ADAMTSL1: variants seen among roughly 807,000 people sequenced by gnomAD.
ADAMTSL1 encodes the protein ADAMTS-like protein 1.
Under a neutral mutation model 201.8 loss-of-function variants are expected in ADAMTSL1, and 126 were observed. The observed-to-expected ratio is 0.62, with a 90% CI of 0.54 to 0.72. ADAMTSL1 has a LOEUF of 0.72. Ranked by LOEUF, ADAMTSL1 falls within the 30% of genes least tolerant of loss-of-function variation. The probability of loss-of-function intolerance (pLI) is 0.00; values close to 1 mark genes in which losing one functional copy is unlikely to be tolerated. For missense variants in ADAMTSL1, 2,679 were observed against 2,277.8 expected, an observed-to-expected ratio of 1.18 and a Z score of -3.59; for synonymous variants, 1,121 against 903.4, an observed-to-expected ratio of 1.24 and a Z score of -4.32.
rs369693384 is a variant in ADAMTSL1 at position 18,482,605 on chromosome 9, T to C, written c.63+8310T>C. Among the ~76,000 whole-genome samples, 7 of 152,308 alleles carry C rather than the reference T, an allele frequency of 4.6e-5. No individual in the cohort carries two copies. In the South Asian group the frequency reaches 8.3e-4, roughly 18 times the overall value. On this transcript the variant is annotated intron_variant, in intron 1 of 28. Transcript: ENST00000380548. ...ATGAGACAGGAAATTGTGAGCAACC[T>C]ATAATAAATTCAAACTGTCCAATAA... is the stretch of plus-strand genomic sequence containing the variant.
chr9:18,368,004 A>G (rs997694099), intron 2 of ADAMTSL1, among the ~76,000 whole-genome samples: 1 of 151,612 alleles, frequency 6.6e-6, no homozygotes, highest in Non-Finnish European at 1.5e-5. Context: ...GGTTCACGCC[A>G]TTCTCCTGCC....
intron 1 of ADAMTSL1, among the ~76,000 whole-genome samples, chr9:18,094,593 A>G (rs1453924769): frequency 6.6e-6 from 1 of 151,810 alleles, no homozygotes; most frequent in African/African-American, 2.4e-5. Context: ...TGCCACCTAA[A>G]TCTAAGTATA....
chr9:18,079,982 G>C (rs1823418901), intron 1 of ADAMTSL1, among the ~76,000 whole-genome samples: 1 of 152,156 alleles, frequency 6.6e-6, no homozygotes, highest in Non-Finnish European at 1.5e-5. Context: ...GGGAGTGCTT[G>C]ACCAGGTGAG....
At chr9:18,065,950 C>G (rs969799082) in intron 1 of ADAMTSL1, among the ~76,000 whole-genome samples, 2 of 135,930 alleles carry the variant, frequency 1.5e-5, no homozygotes, top group African/African-American at 5.5e-5. Flanking sequence ...CCACTGCACT[C>G]CAGCTTCAGC....
chr9:18,109,372 A>G (rs968873867), intron 1 of ADAMTSL1, among the ~76,000 whole-genome samples: 8 of 152,122 alleles, frequency 5.3e-5, no homozygotes, highest in African/African-American at 1.9e-4. Flanking sequence ...GCCTGCACAC[A>G]GTAGCCCAGG....
At position 18,588,472 on chromosome 9, in the gene ADAMTSL1, T is replaced by C. The variant is rs1261540828; in HGVS notation, c.474+14206T>C. Among the ~76,000 whole-genome samples, 2 of 152,156 alleles carry C rather than the reference T, an allele frequency of 1.3e-5. 1 individual carries two copies. The highest frequency in any genetic ancestry group is 3.9e-4 in the East Asian group (2 of 5,192). ...GAAGTTTTTAGCTTAATGTAATCTA[T>C]GTGTCTGTTTTTGCTTTTGTTTTCT... On this transcript the variant is annotated intron_variant, in intron 4 of 28. Transcript: ENST00000380548.
intron 4 of ADAMTSL1, among the ~76,000 whole-genome samples, chr9:18,619,727 C>T (rs960860242): frequency 1.3e-5 from 2 of 152,128 alleles, no homozygotes; most frequent in African/African-American, 2.4e-5. Context: ...CATCAGAGTC[C>T]GTTAAAAATT....
intron 1 of ADAMTSL1, among the ~76,000 whole-genome samples, chr9:18,127,818 C>T (rs1249111897): frequency 6.6e-6 from 1 of 152,150 alleles, no homozygotes; most frequent in Non-Finnish European, 1.5e-5. Context: ...TTGTTTAAAG[C>T]AAAGACTACC....
At chr9:18,521,554 G>A (rs1234787137) in intron 2 of ADAMTSL1, among the ~76,000 whole-genome samples, 1 of 151,778 alleles carries the variant, frequency 6.6e-6, no homozygotes. Flanking sequence ...ACTCACTAGG[G>A]ATGCATACTG....
At chr9:18,032,223 C>G (rs1032098300) in intron 1 of ADAMTSL1, among the ~76,000 whole-genome samples, 2 of 152,184 alleles carry the variant, frequency 1.3e-5, no homozygotes, top group African/African-American at 2.4e-5. Flanking sequence ...GGCACACAAA[C>G]CAGCACCTCA....
intron 1 of ADAMTSL1, among the ~76,000 whole-genome samples, chr9:18,146,528 G>C (rs1484493196): frequency 6.6e-6 from 1 of 152,172 alleles, no homozygotes; most frequent in African/African-American, 2.4e-5. Flanking sequence ...AAACTGGATA[G>C]ATCAATAGTT....
At chr9:18,007,739 T>C (rs182707811) in intron 1 of ADAMTSL1, among the ~76,000 whole-genome samples, 1 of 152,090 alleles carries the variant, frequency 6.6e-6, no homozygotes, top group East Asian at 1.9e-4. Flanking sequence ...AAGCTAAATG[T>C]TCTGATGTTC....
chr9:18,397,263 A>T (rs1420351600), intron 2 of ADAMTSL1, among the ~76,000 whole-genome samples: 2 of 152,074 alleles, frequency 1.3e-5, no homozygotes, highest in African/African-American at 4.8e-5. Flanking sequence ...TTCCTTTCCC[A>T]TATGATATTA....
intron 1 of ADAMTSL1, among the ~76,000 whole-genome samples, chr9:17,973,924 G>A (rs1818326859): frequency 6.6e-6 from 1 of 150,954 alleles, no homozygotes; most frequent in Admixed American, 6.6e-5. Flanking sequence ...TCTCTTTGAA[G>A]CAATTGTGAA....
chr9:18,195,083 G>T (rs951185750), intron 2 of ADAMTSL1, among the ~76,000 whole-genome samples: 51 of 152,038 alleles, frequency 3.4e-4, no homozygotes, highest in Non-Finnish European at 7.2e-4. Context: ...CCCTTAATAT[G>T]GTACCTGTCA....
intron 2 of ADAMTSL1, among the ~76,000 whole-genome samples, chr9:18,365,006 G>A (rs887686027): frequency 6.6e-6 from 1 of 152,104 alleles, no homozygotes; most frequent in African/African-American, 2.4e-5. Context: ...ACATGAGATT[G>A]AGTGGGGACA....
chr9:18,838,558 G>A (rs1366484271), intron 23 of ADAMTSL1, among the ~76,000 whole-genome samples: 1 of 152,158 alleles, frequency 6.6e-6, no homozygotes, highest in East Asian at 1.9e-4. Flanking sequence ...TGGGCATGGT[G>A]ATTCACACCT....
chr9:18,844,315 G>C (rs1825939639), intron 23 of ADAMTSL1, among the ~76,000 whole-genome samples: 3 of 152,214 alleles, frequency 2.0e-5, no homozygotes, highest in South Asian at 4.1e-4. Context: ...GACCCTGTTT[G>C]CCTAGGTACC....
intron 1 of ADAMTSL1, among the ~76,000 whole-genome samples, chr9:18,076,358 C>T (rs1823224502): frequency 6.6e-6 from 1 of 152,154 alleles, no homozygotes. Flanking sequence ...GAGGTGGACA[C>T]AGGTAAATAC....
Sources: allele counts gnomAD v4.1 joint callset (sites outside exome capture counted in the v4.1 genomes callset), GRCh38; gene constraint gnomAD v4.1.1; transcripts MANE v1.5; gene names NCBI Gene and HGNC (gene_info 2026-07-23, HGNC 2026-07-21).